YARS1: variants seen among roughly 807,000 people sequenced by gnomAD.
YARS1 encodes tyrosyl-tRNA synthetase 1.
A neutral mutation model predicts 62.2 loss-of-function variants in YARS1; 36 were observed. That is an observed-to-expected ratio of 0.58 (90% CI 0.44 to 0.76). YARS1 has a LOEUF of 0.76. Ranked by LOEUF, YARS1 falls within the 30% of genes least tolerant of loss-of-function variation. YARS1 has a pLI of 0.00. For missense variants in YARS1, 524 were observed against 639.8 expected (o/e 0.82, Z 1.95); for synonymous variants, 234 against 244.9 (o/e 0.96, Z 0.42).
rs771633110 is a variant in YARS1, at chr1:32,775,991, T to A, written c.1577A>T (p.Asn526Ile). 1 of 1,613,986 alleles carries A rather than the reference T, an allele frequency of 6.2e-7. No homozygotes were observed. The highest frequency in any genetic ancestry group is 1.7e-5 in the Admixed American group (1 of 60,022). Residue 526 changes from asparagine to isoleucine, a missense_variant, in exon 13 of 13, where the codon AAC (asparagine) becomes ATC (isoleucine). Asn to Ile is a moderately radical substitution (Grantham distance 149, BLOSUM62 -3). Transcript: ENST00000373477. ...AAGATGCTGGGCTGGCTAGCTAATG[T>A]TCCCCCCTTTCAGCGATTTACAGGA... ...SISCKSLKGG[N>I]IS
chr1:32,788,186 T>C (rs183260329), intron 6 of YARS1, among the ~76,000 whole-genome samples: 2 of 152,274 alleles, frequency 1.3e-5, no homozygotes, highest in Non-Finnish European at 2.9e-5. Context: ...AAAATTGTTA[T>C]GAATTTGTAG....
intron 5 of YARS1, among the ~76,000 whole-genome samples, chr1:32,794,897 G>A (rs1557455242): frequency 1.3e-5 from 2 of 150,250 alleles, no homozygotes; most frequent in East Asian, 2.0e-4. Flanking sequence ...CCAGCTACTC[G>A]GAAGGCTGAG....
At chr1:32,787,186 G>T in intron 6 of YARS1, 111 bp from the exon 7 acceptor site, 2 of 1,327,398 alleles carry the variant, frequency 1.5e-6, no homozygotes, top group Non-Finnish European at 2.1e-6. Flanking sequence ...CTGGAGTGCA[G>T]TGGCACAATC....
rs575847909 is a variant in YARS1, at chr1:32,794,165, C to T, written c.592-2911G>A. Among the ~76,000 whole-genome samples the T allele has an allele frequency of 1.9e-3, 286 of 152,266 alleles. 1 individual carries two copies. The highest frequency in any genetic ancestry group is 8.7e-3 in the South Asian group (42 of 4,828). On this transcript the variant is annotated intron_variant, in intron 5 of 12. Coordinates refer to ENST00000373477, the MANE Select transcript of YARS1 (RefSeq NM_003680.4). The stretch of plus-strand genomic sequence containing the variant: ...AGGAGTTCAAGACCAGCCTGGCCAA[C>T]ATGGTGAAACCCCATCTCTACTAAA...
chr1:32,797,770 G>A lies in YARS1; in HGVS notation c.584C>T (p.Ala195Val). ...GIDQRKIFTFAEKYLPALGYS... is the reference protein window; with the variant it reads ...GIDQRKIFTFVEKYLPALGYS... ...AGGAAAGCAGACACTCACCTTCTCT[G>A]CAAAGGTGAAAATCTTTCTCTGATC... is the stretch of plus-strand genomic sequence containing the variant. The change falls in exon 5 of 13, where the codon GCA becomes GTA. Residue 195 changes from alanine to valine, a missense_variant. Ala to Val is a moderately conservative substitution (Grantham distance 64). Coordinates refer to ENST00000373477, the MANE Select transcript of YARS1 (RefSeq NM_003680.4). 6.2e-7 allele frequency: 1 copy of A among 1,614,020 alleles called. No homozygotes were observed. The highest frequency in any genetic ancestry group is 1.1e-5 in the South Asian group (1 of 91,082).
chr1:32,795,015 A>AT (rs1457299217), intron 5 of YARS1, among the ~76,000 whole-genome samples: 2 of 148,636 alleles, frequency 1.3e-5, no homozygotes, highest in Non-Finnish European at 3.0e-5. Flanking sequence ...AAAAAAAAAA[A>AT]AAAAAAAAAA....
rs756979929 is a variant in YARS1, at chr1:32,780,142, A to G, written c.1277T>C (p.Leu426Pro). 1 of 1,614,180 alleles carries G rather than the reference A, an allele frequency of 6.2e-7. No homozygotes were observed. The highest frequency in any genetic ancestry group is 1.1e-5 in the South Asian group (1 of 91,070). ...QDRLVVVLCN[L>P]KPQKMRGVES... ...GACTCCTCTCATCTTCTGGGGTTTC[A>G]GGTTGCACAGCACCACTACCAGCCT... Residue 426 changes from leucine (L) to proline (P), a missense_variant, in exon 11 of 13, where the codon CTG (leucine) becomes CCG (proline). Coordinates refer to ENST00000373477, the MANE Select transcript of YARS1 (RefSeq NM_003680.4).
chr1:32,790,284 G>A (rs1653373709), intron 6 of YARS1, among the ~76,000 whole-genome samples: 1 of 148,284 alleles, frequency 6.7e-6, no homozygotes, highest in East Asian at 2.0e-4. Flanking sequence ...TGAGGTGGGT[G>A]GATCACGAGG....
In YARS1 at chr1:32,779,549, A is replaced by C. The variant is rs371868233; in HGVS notation, c.1335-26T>G. ...CTGGGAAGACACAGGACAAGAGAAG[A>C]GTGAGGCTATGGATGGGTTCCAGTG... On this transcript the variant is annotated intron_variant, in intron 11 of 12. Transcript: ENST00000373477. 4.9e-5 allele frequency: 79 copies of C among 1,614,116 alleles called. No homozygotes were observed. The African/African-American group carries it at 9.3e-4, about 19-fold the overall frequency.
intron 12 of YARS1, among the ~76,000 whole-genome samples, chr1:32,777,336 G>A (rs921074889): frequency 8.5e-5 from 13 of 152,062 alleles, no homozygotes; most frequent in African/African-American, 3.1e-4. Context: ...CAGGAGGCTT[G>A]GAACAGTGGC....
intron 6 of YARS1, among the ~76,000 whole-genome samples, chr1:32,789,891 T>C (rs1273460934): frequency 2.8e-5 from 4 of 143,546 alleles, no homozygotes; most frequent in African/African-American, 7.7e-5. Context: ...TGCCTGGCCC[T>C]TTTTTTTTTG....
chr1:32,790,151 G>T (rs571534220), intron 6 of YARS1, among the ~76,000 whole-genome samples: 1 of 148,894 alleles, frequency 6.7e-6, no homozygotes, highest in Non-Finnish European at 1.5e-5. Context: ...CCAAGGTGCT[G>T]GGATTACAGG....
chr1:32,785,890 C>CTTTTTTT (rs11344284), intron 8 of YARS1, among the ~76,000 whole-genome samples: 1 of 146,428 alleles, frequency 6.8e-6, no homozygotes. Flanking sequence ...AGCCCATTTT[C>CTTTTTTT]TTTTTTTTTT....
intron 12 of YARS1, among the ~76,000 whole-genome samples, 196 bp downstream of exon 12, chr1:32,779,186 T>G (rs558277778): frequency 1.3e-5 from 2 of 152,150 alleles, no homozygotes; most frequent in Non-Finnish European, 2.9e-5. Context: ...CTGTCGGAGA[T>G]GTAATGCAAG....
Position 32,794,803 on chromosome 1 carries a change from G to A in YARS1, c.591+2960C>T, listed in dbSNP as rs555803023. ...CAGGTGGGTTACGAGGTCAGGAGAT[G>A]GAGACCAACCTGGCCAACATGGTGA... is the stretch of plus-strand genomic sequence containing the variant. On this transcript the variant is annotated intron_variant, in intron 5 of 12. Transcript: ENST00000373477. 2.2e-3 allele frequency among the ~76,000 whole-genome samples: 326 copies of A among 151,414 alleles called. 2 individuals are homozygous for A. The highest frequency in any genetic ancestry group is 3.9e-3 in the Admixed American group (60 of 15,228).
At chr1:32,797,931 C>G in intron 4 of YARS1, 88 bp from the exon 5 acceptor site, 1 of 1,176,462 alleles carries the variant, frequency 8.5e-7, no homozygotes, top group South Asian at 1.3e-5. Context: ...AGTGCTGTGG[C>G]GTGATCTCGG....
intron 5 of YARS1, among the ~76,000 whole-genome samples, chr1:32,795,688 C>T (rs1557455909): frequency 6.6e-6 from 1 of 151,772 alleles, no homozygotes; most frequent in African/African-American, 2.4e-5. Context: ...CGCCTGTAGT[C>T]CCAGCTACTT....
At chr1:32,798,721 C>T (rs1653682877) in intron 4 of YARS1, among the ~76,000 whole-genome samples, 1 of 152,160 alleles carries the variant, frequency 6.6e-6, no homozygotes, top group South Asian at 2.1e-4. Context: ...ACTCAGGAGG[C>T]TGAGGTAGGA....
In YARS1 at chr1:32,806,629, A is replaced by G; in HGVS notation, c.381-18T>C. On this transcript the variant is annotated intron_variant, in intron 3 of 12. Transcript: ENST00000373477. Reference sequence around the variant, plus strand: ...TGTACTCTCTGAAGAGGAAAGGAAGAGGGGACAGCTGTAAACCTGGGCCTA... The same window carrying G: ...TGTACTCTCTGAAGAGGAAAGGAAGGGGGGACAGCTGTAAACCTGGGCCTA... 5 of 1,614,118 alleles carry G rather than the reference A, an allele frequency of 3.1e-6. No individual in the cohort carries two copies. Among genetic ancestry groups the G allele is most frequent in the African/African-American group, 1.3e-5 (1 of 75,070 alleles).
Sources: gnomAD v4.1 joint callset for allele counts (sites outside exome capture counted in the v4.1 genomes callset) on GRCh38, gnomAD v4.1.1 for gene constraint, MANE v1.5 for transcripts, NCBI Gene and HGNC (gene_info 2026-07-23, HGNC 2026-07-21) for gene names.